GPC3: variants seen among roughly 807,000 people sequenced by gnomAD.
GPC3 encodes glypican 3.
In GPC3, 3 loss-of-function variants were observed where a neutral mutation model predicts 34.4. The observed-to-expected ratio is 0.09, with a 90% CI of 0.04 to 0.23. GPC3 has a LOEUF of 0.23. GPC3 is among the 10% of genes least tolerant of loss of function. The pLI is 1.00. For synonymous variants in GPC3, 177 were observed against 174.0 expected (o/e 1.02, Z -0.13); for missense variants, 351 against 445.6 (o/e 0.79, Z 1.91).
intron 7 of GPC3, among the ~76,000 whole-genome samples, chrX:133,585,765 C>G (rs1377769742): frequency 9.0e-6 from 1 of 111,688 alleles, no homozygotes; most frequent in Non-Finnish European, 1.9e-5. Flanking sequence ...TTCCTTTCTA[C>G]CAATACTTGG....
At chrX:133,922,396 T>C (rs748071773) in intron 2 of GPC3, among the ~76,000 whole-genome samples, 16 of 111,611 alleles carry the variant, frequency 1.4e-4, no homozygotes, top group African/African-American at 5.2e-4. Context: ...GAATGGAGGA[T>C]GGAGGGGGCA....
intron 6 of GPC3, among the ~76,000 whole-genome samples, chrX:133,629,155 C>G (rs2070339249): frequency 9.0e-6 from 1 of 111,609 alleles, no homozygotes; most frequent in African/African-American, 3.3e-5. Flanking sequence ...CATTATAAAC[C>G]AATTTGACCT....
intron 6 of GPC3, among the ~76,000 whole-genome samples, chrX:133,611,002 T>G (rs987734530): frequency 9.2e-6 from 1 of 108,660 alleles, no homozygotes; most frequent in Admixed American, 1.0e-4. Flanking sequence ...ACCACACCAG[T>G]GCTATAAATA....
chrX:133,725,853 A>G (rs1198699449), intron 3 of GPC3, among the ~76,000 whole-genome samples: 2 of 111,896 alleles, frequency 1.8e-5, no homozygotes, highest in East Asian at 5.6e-4. Flanking sequence ...CAGCTCAGAC[A>G]CTAGAAGTCC....
At chrX:133,603,757 G>A (rs1385852356) in intron 6 of GPC3, among the ~76,000 whole-genome samples, 1 of 111,126 alleles carries the variant, frequency 9.0e-6, no homozygotes, top group African/African-American at 3.3e-5. Context: ...CACAATGAAA[G>A]GGAAAAAAGG....
At chrX:133,768,949 CAAAA>C (rs1293297252) in intron 2 of GPC3, among the ~76,000 whole-genome samples, 3 of 109,011 alleles carry the variant, frequency 2.8e-5, no homozygotes, top group African/African-American at 1.0e-4. Context: ...CAAAAAAAAA[CAAAA>C]GAAAGAAGAA....
intron 3 of GPC3, among the ~76,000 whole-genome samples, chrX:133,701,627 C>T (rs1266402989): frequency 1.8e-5 from 2 of 112,030 alleles, no homozygotes; most frequent in Non-Finnish European, 3.8e-5. Flanking sequence ...TTTTGTATTT[C>T]CACGCTATTC....
intron 2 of GPC3, among the ~76,000 whole-genome samples, chrX:133,919,841 C>CAA (rs35573322): frequency 2.4e-5 from 2 of 82,801 alleles, no homozygotes; most frequent in Non-Finnish European, 4.8e-5. Flanking sequence ...GATCCTGTCT[C>CAA]AAAAAAAAAA....
At chrX:133,611,487 C>G (rs2070111954) in intron 6 of GPC3, among the ~76,000 whole-genome samples, 1 of 112,007 alleles carries the variant, frequency 8.9e-6, no homozygotes, top group African/African-American at 3.2e-5. Flanking sequence ...AAATCAAATG[C>G]CTTTTATTAT....
chrX:133,561,725 G>A (rs1266097441), intron 7 of GPC3, among the ~76,000 whole-genome samples: 2 of 111,840 alleles, frequency 1.8e-5, no homozygotes, highest in Non-Finnish European at 3.8e-5. Flanking sequence ...GATTCATATG[G>A]CATCAAATAT....
In GPC3 at chrX:133,772,838, C is replaced by A. The variant is rs1180794226; in HGVS notation, c.338-18662G>T. ...TATTTCCACTTCATAGGTGAGAAAA[C>A]TGAGGCTCAGGGAGCAGAAACAACT... On this transcript the variant is annotated intron_variant, in intron 2 of 7. Transcript: ENST00000370818. Among the ~76,000 whole-genome samples, 12 of 110,837 alleles carry A rather than the reference C, an allele frequency of 1.1e-4. No homozygotes were observed. In the East Asian group the frequency reaches 1.1e-3, roughly 10 times the overall value.
rs1304880243 is a variant in GPC3 at position 133,985,424 on chromosome X, C to G, written c.26G>C (p.Cys9Ser). The G allele has an allele frequency of 8.5e-7, 1 of 1,177,065 alleles. No individual in the cohort carries two copies. Among genetic ancestry groups the G allele is most frequent in the African/African-American group, 1.8e-5 (1 of 56,636 alleles). The change falls in exon 1 of 8, where the codon TGC (cysteine) becomes TCC (serine). Residue 9 changes from cysteine to serine, a missense_variant. Physicochemically the swap from Cys to Ser is moderately radical, Grantham distance 112 (BLOSUM62 -1). Coordinates refer to ENST00000370818, the MANE Select transcript of GPC3 (RefSeq NM_004484.4). ...GCTGAGCAGCATCGCCACCACCAAG[C>G]ACGCGGTGCGCACGGTCCCGGCCAT... MAGTVRTA[C>S]LVVAMLLSLD...
chrX:133,798,177 C>T lies in GPC3; in HGVS notation c.338-44001G>A, dbSNP rs995655417. On this transcript the variant is annotated intron_variant, in intron 2 of 7. Coordinates refer to ENST00000370818, the MANE Select transcript of GPC3 (RefSeq NM_004484.4). Reference sequence around the variant, plus strand: ...TAAAATAAGAGAGCAAACCAGTTTTCCTTCCCCCAAAAGATCAGAGTGTAA... The same window carrying T: ...TAAAATAAGAGAGCAAACCAGTTTTTCTTCCCCCAAAAGATCAGAGTGTAA... Among the ~76,000 whole-genome samples, 5 of 111,499 alleles carry T rather than the reference C, an allele frequency of 4.5e-5. No homozygotes were observed. In the Admixed American group the frequency reaches 4.8e-4, roughly 11 times the overall value.
chrX:133,546,710 C>G (rs1005125745), intron 7 of GPC3, among the ~76,000 whole-genome samples: 1 of 111,896 alleles, frequency 8.9e-6, no homozygotes, highest in African/African-American at 3.2e-5. Flanking sequence ...AAAGGGGAAC[C>G]CTTGTACACT....
chrX:133,564,668 T>C (rs2069567813), intron 7 of GPC3, among the ~76,000 whole-genome samples: 2 of 111,790 alleles, frequency 1.8e-5, no homozygotes, highest in Non-Finnish European at 1.9e-5. Context: ...TTTCCTCACC[T>C]ATAAAACAAA....
chrX:133,684,774 C>A (rs991684685), intron 5 of GPC3, among the ~76,000 whole-genome samples: 1 of 111,051 alleles, frequency 9.0e-6, no homozygotes, highest in African/African-American at 3.3e-5. Context: ...AGCATGGAAG[C>A]GATGTATAGC....
intron 2 of GPC3, among the ~76,000 whole-genome samples, chrX:133,834,032 T>C (rs780746128): frequency 3.6e-5 from 4 of 112,254 alleles, no homozygotes; most frequent in Non-Finnish European, 7.5e-5. Flanking sequence ...ATATATATCA[T>C]GGATATTTAT....
chrX:133,935,802 T>C (rs909665090), intron 2 of GPC3, among the ~76,000 whole-genome samples: 1 of 111,502 alleles, frequency 9.0e-6, no homozygotes, highest in Non-Finnish European at 1.9e-5. Context: ...TTCAGGACTA[T>C]ATATGTTATA....
At chrX:133,746,728 T>C (rs770963262) in intron 3 of GPC3, among the ~76,000 whole-genome samples, 2 of 112,373 alleles carry the variant, frequency 1.8e-5, no homozygotes, top group South Asian at 7.3e-4. Context: ...ACTAATTAGG[T>C]AGTGAGCCAT....
Sources: allele counts gnomAD v4.1 joint callset (sites outside exome capture counted in the v4.1 genomes callset), GRCh38; gene constraint gnomAD v4.1.1; transcripts MANE v1.5; gene names NCBI Gene and HGNC (gene_info 2026-07-23, HGNC 2026-07-21).